POTEB: variants seen among roughly 807,000 people sequenced by gnomAD.
POTEB encodes the protein POTE ankyrin domain family member B.
At chr15:21,870,339 C>T (rs1196633638) in intron 3 of POTEB, among the ~76,000 whole-genome samples, 3 of 74,836 alleles carry the variant, frequency 4.0e-5, no homozygotes, top group Admixed American at 1.5e-4. Context: ...AGCTTAGGGA[C>T]GTCAAGGCTG....
At chr15:21,855,272 C>T (rs1176699949) in intron 9 of POTEB, among the ~76,000 whole-genome samples, 1 of 148,422 alleles carries the variant, frequency 6.7e-6, no homozygotes, top group East Asian at 2.0e-4. Flanking sequence ...CAAATTAGCA[C>T]CTGTGGGCCA....
At chr15:21,854,438 G>A (rs1440075153) in intron 9 of POTEB, among the ~76,000 whole-genome samples, 49 of 150,128 alleles carry the variant, frequency 3.3e-4, no homozygotes, top group African/African-American at 1.2e-3. Flanking sequence ...TGCCGTTAGG[G>A]AGGAGATGCC....
chr15:21,871,799 C>T (rs1438146926), intron 3 of POTEB, among the ~76,000 whole-genome samples: 2 of 33,716 alleles, frequency 5.9e-5, no homozygotes, highest in Non-Finnish European at 1.6e-4. Flanking sequence ...AAGCATTAAC[C>T]ACAAGTGCAC....
At chr15:21,854,582 T>C (rs1194247867) in intron 9 of POTEB, among the ~76,000 whole-genome samples, 30 of 150,420 alleles carry the variant, frequency 2.0e-4, no homozygotes, top group Non-Finnish European at 4.0e-4. Flanking sequence ...ATTGAAGACT[T>C]ACTGGCATGA....
At chr15:21,875,507 CA>C (rs1189621781) in intron 1 of POTEB, among the ~76,000 whole-genome samples, 1 of 3,852 alleles carries the variant, frequency 2.6e-4, no homozygotes, top group African/African-American at 1.0e-3. Flanking sequence ...GGTAGACATG[CA>C]AAAAAGTACC....
In POTEB at chr15:21,871,404, C is replaced by CACACACACACACACAA. The variant is rs1378742867; in HGVS notation, c.699+602_699+603insTTGTGTGTGTGTGTGT. On this transcript the variant is annotated intron_variant, in intron 3 of 10. Coordinates refer to ENST00000439682, the MANE Select transcript of POTEB (RefSeq NM_001277304.2). ...ACACACACACACACACACACACACA[C>CACACACACACACACAA]AAACAAAAACAAAAACAAAAACAAA... 6.0e-3 allele frequency among the ~76,000 whole-genome samples: 116 copies of CACACACACACACACAA among 19,264 alleles called. 15 individuals are homozygous for CACACACACACACACAA. Among genetic ancestry groups the CACACACACACACACAA allele is most frequent in the African/African-American group, 0.014 (110 of 7,842 alleles). 12.6% of individuals were successfully genotyped at this position (19,264 alleles called of 152,430 possible).
At chr15:21,855,227 C>T (rs1222739968) in intron 9 of POTEB, among the ~76,000 whole-genome samples, 1 of 148,260 alleles carries the variant, frequency 6.7e-6, no homozygotes, top group Non-Finnish European at 1.5e-5. Context: ...AGTGTTACTG[C>T]ATTAGCAGCA....
intron 9 of POTEB, among the ~76,000 whole-genome samples, chr15:21,855,030 C>T (rs1448757253): frequency 6.9e-6 from 1 of 144,896 alleles, no homozygotes; most frequent in African/African-American, 2.5e-5. Flanking sequence ...TAATTGATCA[C>T]CATAAAATAC....
chr15:21,871,404 C>CACAA (rs1378742867), intron 3 of POTEB, among the ~76,000 whole-genome samples: 2,468 of 19,276 alleles, frequency 0.13, 980 homozygotes, highest in Non-Finnish European at 0.2. Flanking sequence ...CACACACACA[C>CACAA]AAACAAAAAC....
intron 3 of POTEB, among the ~76,000 whole-genome samples, chr15:21,870,304 CA>C (rs1328143398): frequency 1.1e-5 from 1 of 88,048 alleles, no homozygotes; most frequent in Non-Finnish European, 2.5e-5. Context: ...AAAAAAAATA[CA>C]AAAACAGATT....
chr15:21,854,710 AG>A (rs1889836242), intron 9 of POTEB, among the ~76,000 whole-genome samples: 1 of 149,140 alleles, frequency 6.7e-6, no homozygotes, highest in African/African-American at 2.4e-5. Context: ...GTCATGGAAA[AG>A]TAATAGACAA....
At position 21,855,125 on chromosome 15, in the gene POTEB, C is replaced by A. The variant is rs558836077; in HGVS notation, c.1298+1667G>T. Among the ~76,000 whole-genome samples, 27 of 148,438 alleles carry A rather than the reference C, an allele frequency of 1.8e-4. 1 individual carries two copies. In the East Asian group the frequency reaches 5.4e-3, roughly 29 times the overall value. On this transcript the variant is annotated intron_variant, in intron 9 of 10. Coordinates refer to ENST00000439682, the MANE Select transcript of POTEB (RefSeq NM_001277304.2). Reference sequence around the variant, plus strand: ...TGAAATTTTTAAAAATATATGAAGTCACTGTGGAAAAATATGGTGAGGTGA... The same window carrying A: ...TGAAATTTTTAAAAATATATGAAGTAACTGTGGAAAAATATGGTGAGGTGA...
At chr15:21,871,422 AAAAC>A (rs1566796064) in intron 3 of POTEB, among the ~76,000 whole-genome samples, 1 of 28,762 alleles carries the variant, frequency 3.5e-5, no homozygotes, top group African/African-American at 7.4e-5. Context: ...AACAAAAACA[AAAAC>A]AAAAAAAAAC....
chr15:21,870,240 G>C (rs922521697), intron 3 of POTEB, among the ~76,000 whole-genome samples: 1 of 64,408 alleles, frequency 1.6e-5, no homozygotes, highest in African/African-American at 4.9e-5. Flanking sequence ...CTTGAGCCCA[G>C]GAGTTCAAGA....
intron 9 of POTEB, among the ~76,000 whole-genome samples, chr15:21,851,593 TA>T: frequency 7.5e-6 from 1 of 133,482 alleles, no homozygotes; most frequent in African/African-American, 2.7e-5. Flanking sequence ...AGAAAATAAT[TA>T]ATTTTAAGGA....
At chr15:21,850,167 A>AAAAT (rs376532647) in intron 9 of POTEB, among the ~76,000 whole-genome samples, 16,061 of 49,654 alleles carry the variant, frequency 0.32, 2,400 homozygotes, top group East Asian at 0.51. Context: ...AACAAAAATA[A>AAAAT]AAATAAATAA....
At chr15:21,870,087 A>G (rs1401662932) in intron 3 of POTEB, among the ~76,000 whole-genome samples, 3 of 20,616 alleles carry the variant, frequency 1.5e-4, no homozygotes, top group Admixed American at 6.6e-4. Context: ...GTAGAAAGGA[A>G]AAGGTATTAT....
Position 21,856,770 on chromosome 15 carries a change from T to C in POTEB, c.1298+22A>G. The C allele has an allele frequency of 2.1e-5, 13 of 621,700 alleles. 5 individuals are homozygous for C. Among genetic ancestry groups the C allele is most frequent in the Non-Finnish European group, 2.6e-5 (13 of 503,206 alleles). The allele number at this position is 621,700 out of a possible 1,614,324, so 38.5% of individuals were successfully genotyped here. On this transcript the variant is annotated intron_variant, in intron 9 of 10. Coordinates refer to ENST00000439682, the MANE Select transcript of POTEB (RefSeq NM_001277304.2). ...TTTGACAGCATATAGTTATCTCCTA[T>C]TAAATGTTGCCATAGGCTCACCTGT...
At chr15:21,854,910 C>G (rs1889844895) in intron 9 of POTEB, among the ~76,000 whole-genome samples, 1 of 146,118 alleles carries the variant, frequency 6.8e-6, no homozygotes. Flanking sequence ...TCATTTTGTT[C>G]ATGCTTATAC....
Sources: allele counts gnomAD v4.1 joint callset (sites outside exome capture counted in the v4.1 genomes callset), GRCh38; gene constraint gnomAD v4.1.1; transcripts MANE v1.5; gene names NCBI Gene and HGNC (gene_info 2026-07-23, HGNC 2026-07-21).